The following HTATSF1 variants were observed in gnomAD, a reference collection of about 807,000 sequenced individuals.
HTATSF1 encodes the protein 17S U2 SnRNP complex component HTATSF1.
HTATSF1 carries 6 observed loss-of-function variants against 46.1 expected under a neutral mutation model. That is an observed-to-expected ratio of 0.13 (90% confidence interval 0.07 to 0.26). The LOEUF is 0.26. HTATSF1 is among the 10% of genes least tolerant of loss of function. The probability of loss-of-function intolerance (pLI) is 1.00; values close to 1 mark genes in which losing one functional copy is unlikely to be tolerated. For synonymous variants in HTATSF1, 226 were observed against 211.5 expected (o/e 1.07, Z -0.60); for missense variants, 452 against 559.9 (o/e 0.81, Z 1.94).
At chrX:136,501,440 G>T (rs982920105) in intron 4 of HTATSF1, among the ~76,000 whole-genome samples, 4 of 112,411 alleles carry the variant, frequency 3.6e-5, no homozygotes, top group Non-Finnish European at 5.6e-5. Flanking sequence ...TTTTTTGAAT[G>T]TGAGAAAAGA....
intron 4 of HTATSF1, 70 bp from the exon 5 acceptor site, chrX:136,502,708 T>C: frequency 1.8e-6 from 1 of 550,219 alleles, no homozygotes; most frequent in Non-Finnish European, 2.7e-6. Context: ...ATAATCATCG[T>C]TCATCTAAAA....
Position 136,497,663 on chromosome X carries a change from G to C in HTATSF1, c.-22G>C, listed in dbSNP as rs779430601. On this transcript the variant is annotated 5_prime_UTR_variant, in exon 1 of 9. Transcript: ENST00000218364. The stretch of plus-strand genomic sequence containing the variant: ...CGGCCTCTTAGTTCTTCTGAACCCT[G>C]CTCCTGAGCTAGGTAGGAAACATGA... 10 of 1,166,292 alleles carry C rather than the reference G, an allele frequency of 8.6e-6. No homozygotes were observed. In the East Asian group the frequency reaches 2.8e-4, roughly 32 times the overall value.
intron 4 of HTATSF1, 116 bp from the exon 5 acceptor site, chrX:136,502,661 AT>A (rs1209632985): frequency 1.7e-5 from 5 of 293,341 alleles, no homozygotes; most frequent in Non-Finnish European, 2.2e-5. Context: ...TCGTATATTC[AT>A]AATATATAAA....
Position 136,512,053 on chromosome X carries a change from A to C in HTATSF1, c.*40A>C. ...TTTTTAGGGAGAGTCCTCCATCTAC[A>C]TTTGCCTGTGCTTCAGGGTAATTAC... On this transcript the variant is annotated 3_prime_UTR_variant, in exon 9 of 9. Coordinates refer to ENST00000218364, the MANE Select transcript of HTATSF1 (RefSeq NM_014500.5). 1 of 1,152,551 alleles carries C rather than the reference A, an allele frequency of 8.7e-7. No homozygotes were observed. Among genetic ancestry groups the C allele is most frequent in the Non-Finnish European group, 1.2e-6 (1 of 863,220 alleles). 95.0% of individuals were successfully genotyped at this position (1,152,551 alleles called of 1,213,427 possible).
intron 7 of HTATSF1, among the ~76,000 whole-genome samples, chrX:136,509,573 A>G (rs1228372778): frequency 3.6e-5 from 4 of 112,245 alleles, no homozygotes; most frequent in Non-Finnish European, 5.6e-5. Flanking sequence ...TTTTACTTCC[A>G]GAATTGACAC....
intron 5 of HTATSF1, among the ~76,000 whole-genome samples, chrX:136,503,860 CTTTTATTTTA>C (rs897174650): frequency 2.7e-5 from 3 of 111,008 alleles, no homozygotes; most frequent in African/African-American, 9.8e-5. Context: ...TTGCCTCTGC[CTTTTATTTTA>C]TTTTATTTTA....
chrX:136,499,525 C>A, intron 1 of HTATSF1, 73 bp from the exon 2 acceptor site: 1 of 827,117 alleles, frequency 1.2e-6, no homozygotes, highest in African/African-American at 2.1e-5. Flanking sequence ...GCTGTAAAAA[C>A]ACAATTTAAA....
At position 136,508,958 on chromosome X, in the gene HTATSF1, T is replaced by C. The variant is rs141679477; in HGVS notation, c.835-133T>C. On this transcript the variant is annotated intron_variant, in intron 6 of 8. Transcript: ENST00000218364. ...ATTTGATTTTGAGTTTTTAAAAAAT[T>C]GTATAGAATGAAAAACACAACCTTA... 12 of 474,462 alleles carry C rather than the reference T, an allele frequency of 2.5e-5. No homozygotes were observed. In the East Asian group the frequency reaches 4.5e-4, roughly 18 times the overall value. The allele number at this position is 474,462 out of a possible 1,213,427, so 39.1% of individuals were successfully genotyped here.
At chrX:136,504,014 A>G (rs913316405) in intron 5 of HTATSF1, among the ~76,000 whole-genome samples, 4 of 110,558 alleles carry the variant, frequency 3.6e-5, no homozygotes, top group African/African-American at 1.3e-4. Flanking sequence ...GGGATTACAG[A>G]CGTGCACCAC....
chrX:136,504,390 G>C lies in HTATSF1; in HGVS notation c.761G>C (p.Arg254Pro). The part of the protein sequence containing the change: ...QKQLDWRPER[R>P]AGPSRMRHER... ...CAGTTGGATTGGAGACCTGAGAGGC[G>C]AGCCGGACCATCCCGGATGCGCCAT... The change falls in exon 6 of 9, where the codon CGA (arginine) becomes CCA (proline). Residue 254 changes from arginine to proline, a missense_variant. Physicochemically the swap from Arg to Pro is moderately radical, Grantham distance 103. This residue lies in a region of HTATSF1 where 117 missense variants were observed against 222.2 expected (regional missense o/e 0.53). Transcript: ENST00000218364. 1 of 1,210,171 alleles carries C rather than the reference G, an allele frequency of 8.3e-7. No individual in the cohort carries two copies. Among genetic ancestry groups the C allele is most frequent in the Non-Finnish European group, 1.1e-6 (1 of 894,522 alleles).
At chrX:136,498,820 A>G (rs978154378) in intron 1 of HTATSF1, among the ~76,000 whole-genome samples, 1 of 112,471 alleles carries the variant, frequency 8.9e-6, no homozygotes, top group African/African-American at 3.2e-5. Flanking sequence ...TTAATGTGTG[A>G]CTTTATCCTT....
chrX:136,507,561 CAA>C (rs1156406742), intron 6 of HTATSF1, among the ~76,000 whole-genome samples: 3 of 84,291 alleles, frequency 3.6e-5, no homozygotes, highest in Non-Finnish European at 4.5e-5. Context: ...ACTCTGTCTT[CAA>C]AAAAAAAAAA....
At chrX:136,508,550 C>G (rs1006345096) in intron 6 of HTATSF1, among the ~76,000 whole-genome samples, 1 of 112,653 alleles carries the variant, frequency 8.9e-6, no homozygotes, top group Admixed American at 9.4e-5. Context: ...GGTTCTGTTA[C>G]AATGTGGTAG....
chrX:136,507,158 T>C (rs922342288), intron 6 of HTATSF1, among the ~76,000 whole-genome samples: 1 of 111,685 alleles, frequency 9.0e-6, no homozygotes, highest in African/African-American at 3.3e-5. Context: ...AGCATTGAGC[T>C]TTTTAGTGGA....
At chrX:136,501,307 A>G (rs990418498) in intron 4 of HTATSF1, among the ~76,000 whole-genome samples, 1 of 112,503 alleles carries the variant, frequency 8.9e-6, no homozygotes, top group Non-Finnish European at 1.9e-5. Context: ...TGGTTGCAGC[A>G]CAGACCTTGT....
intron 7 of HTATSF1, among the ~76,000 whole-genome samples, chrX:136,509,444 T>C (rs2075757517): frequency 8.9e-6 from 1 of 112,001 alleles, no homozygotes; most frequent in African/African-American, 3.2e-5. Flanking sequence ...AGGAAAAATG[T>C]ATGAGATCTC....
Position 136,498,971 on chromosome X carries a change from A to G in HTATSF1, c.187-627A>G, listed in dbSNP as rs59300812. Among the ~76,000 whole-genome samples the G allele has an allele frequency of 7.0e-3, 790 of 113,046 alleles. 9 individuals carry two copies. The highest frequency in any genetic ancestry group is 0.024 in the African/African-American group (756 of 31,113). On this transcript the variant is annotated intron_variant, in intron 1 of 8. Transcript: ENST00000218364. The stretch of plus-strand genomic sequence containing the variant: ...AACGCTTTTCCCCCAAAGGGGAGGA[A>G]GATAGATATGAGTTGGATTTGTCTT...
In HTATSF1 at chrX:136,499,782, A is replaced by G; in HGVS notation, c.367+4A>G. The G allele has an allele frequency of 8.6e-7, 1 of 1,158,277 alleles. No homozygotes were observed. Among genetic ancestry groups the G allele is most frequent in the East Asian group, 3.0e-5 (1 of 32,825 alleles). Reference sequence around the variant, plus strand: ...GAAAAAAGAAAGGCTGAGTCAGGTAAGTGGTTCTAGCTTACAAATTTTAAG... The same window carrying G: ...GAAAAAAGAAAGGCTGAGTCAGGTAGGTGGTTCTAGCTTACAAATTTTAAG... On this transcript the variant is annotated splice_donor_region_variant and intron_variant, in intron 2 of 8. Transcript: ENST00000218364.
At position 136,497,662 on chromosome X, in the gene HTATSF1, T is replaced by G; in HGVS notation, c.-23T>G. 1 of 1,165,222 alleles carries G rather than the reference T, an allele frequency of 8.6e-7. No individual in the cohort carries two copies. The highest frequency in any genetic ancestry group is 1.2e-6 in the Non-Finnish European group (1 of 862,325). On this transcript the variant is annotated 5_prime_UTR_variant, in exon 1 of 9. Transcript: ENST00000218364. ...TCGGCCTCTTAGTTCTTCTGAACCC[T>G]GCTCCTGAGCTAGGTAGGAAACATG...
Sources: gnomAD v4.1 joint callset for allele counts (sites outside exome capture counted in the v4.1 genomes callset) on GRCh38, gnomAD v4.1.1 for gene constraint, gnomAD v4.1.1 regional missense constraint, MANE v1.5 for transcripts, NCBI Gene and HGNC (gene_info 2026-07-23, HGNC 2026-07-21) for gene names.